Variants in CHD7 observed in about 807,000 individuals in gnomAD.
CHD7 encodes the protein chromodomain helicase DNA binding protein 7.
In CHD7, 24 loss-of-function variants were observed where a neutral mutation model predicts 307.3. That is an observed-to-expected ratio of 0.08 (90% CI 0.06 to 0.11). The LOEUF (loss-of-function observed/expected upper bound fraction) is 0.11. Among genes scored for constraint, CHD7 ranks in the 10% least tolerant of loss-of-function variants. CHD7 has a pLI of 1.00. For synonymous variants in CHD7, 1,363 were observed against 1,349.9 expected, an observed-to-expected ratio of 1.01 and a Z score of -0.21; for missense variants, 3,106 against 3,727.1, an observed-to-expected ratio of 0.83 and a Z score of 4.34.
intron 1 of CHD7, among the ~76,000 whole-genome samples, chr8:60,690,547 C>G (rs1469965708): frequency 6.6e-6 from 1 of 152,164 alleles, no homozygotes; most frequent in African/African-American, 2.4e-5. Flanking sequence ...AACTTTGTGG[C>G]TACTCTGGGG....
At chr8:60,703,766 G>A (rs1423098110) in intron 1 of CHD7, among the ~76,000 whole-genome samples, 2 of 152,100 alleles carry the variant, frequency 1.3e-5, no homozygotes, top group African/African-American at 2.4e-5. Context: ...TCCCTCTATT[G>A]AGCCAGCTAC....
In CHD7 at chr8:60,844,894, C is replaced by T. The variant is rs774433565; in HGVS notation, c.4881C>T (p.His1627=). Residue 1627 remains histidine, a synonymous_variant, in exon 22 of 38, where the codon CAC becomes CAT. Transcript: ENST00000423902. The stretch of plus-strand genomic sequence containing the variant: ...GACGGTGGACAGACATTCTTTCCCA[C>T]GGACGCTATAAACGCCAACTCACTG... ...GWGRWTDILS[H]GRYKRQLTEQ... is the part of the protein sequence containing the mutation. 139 of 1,607,504 alleles carry T rather than the reference C, an allele frequency of 8.6e-5. No homozygotes were observed. The highest frequency in any genetic ancestry group is 4.5e-4 in the South Asian group (41 of 90,402).
Position 60,867,172 on chromosome 8 carries a change from G to A in CHD7, c.*1239G>A, listed in dbSNP as rs1222668644. On this transcript the variant is annotated 3_prime_UTR_variant, in exon 38 of 38. Transcript: ENST00000423902. Reference sequence around the variant, plus strand: ...CTCCCTCAAAAGGGCATCTGAGACCGAGAATACTTAGAAATGTGTGCAGCG... The same window carrying A: ...CTCCCTCAAAAGGGCATCTGAGACCAAGAATACTTAGAAATGTGTGCAGCG... The A allele has an allele frequency of 3.3e-5, 5 of 152,164 alleles. No homozygotes were observed. Among genetic ancestry groups the A allele is most frequent in the East Asian group, 1.9e-4 (1 of 5,202 alleles). The allele number at this position is 152,164 out of a possible 1,614,324, so 9.4% of individuals were successfully genotyped here.
Position 60,861,029 on chromosome 8 carries a change from T to G in CHD7, c.7734T>G (p.Thr2578=), listed in dbSNP as rs1361538739. The G allele has an allele frequency of 6.2e-7, 1 of 1,613,996 alleles. No homozygotes were observed. Among genetic ancestry groups the G allele is most frequent in the Non-Finnish European group, 8.5e-7 (1 of 1,179,874 alleles). Residue 2578 remains threonine (T), a synonymous_variant, in exon 35 of 38, where the codon ACT becomes ACG. Coordinates refer to ENST00000423902, the MANE Select transcript of CHD7 (RefSeq NM_017780.4). The stretch of plus-strand genomic sequence containing the variant: ...CTGTTATCAATCTTGAAGATGGGAC[T>G]AGGCTGGTGGGGGAAGATGCTCCTA... The part of the protein sequence containing the change: ...RIPVINLEDG[T]RLVGEDAPKN...
chr8:60,711,067 C>T (rs928770796), intron 1 of CHD7, among the ~76,000 whole-genome samples: 1 of 152,174 alleles, frequency 6.6e-6, no homozygotes, highest in Admixed American at 6.5e-5. Context: ...ATTTGGTGAG[C>T]GTGAGGCTGT....
At chr8:60,823,800 A>C (rs1804149658) in intron 12 of CHD7, 40 bp from the exon 13 acceptor site, 1 of 1,517,318 alleles carries the variant, frequency 6.6e-7, no homozygotes, top group East Asian at 2.3e-5. Flanking sequence ...TATTTATGTA[A>C]CCATTAATGC....
At chr8:60,863,769 T>C (rs749204018) in intron 37 of CHD7, 17 of 150,156 alleles carry the variant, frequency 1.1e-4, no homozygotes, top group Non-Finnish European at 2.4e-4. Flanking sequence ...GACAAGGTGT[T>C]TGTCACCCAG....
chr8:60,808,754 T>C (rs1232419803), intron 7 of CHD7: 1 of 154,040 alleles, frequency 6.5e-6, no homozygotes, highest in Non-Finnish European at 1.4e-5. Flanking sequence ...GATATTTATT[T>C]AGTAGATTTG....
chr8:60,799,140 G>A (rs1240700286), intron 4 of CHD7, among the ~76,000 whole-genome samples: 3 of 152,188 alleles, frequency 2.0e-5, no homozygotes, highest in Admixed American at 6.5e-5. Flanking sequence ...TGAACTGCAC[G>A]TCTAAATAGA....
intron 6 of CHD7, among the ~76,000 whole-genome samples, chr8:60,806,111 C>T (rs1812524674): frequency 1.3e-5 from 2 of 152,004 alleles, no homozygotes; most frequent in Admixed American, 6.6e-5. Flanking sequence ...GCCTGTAATC[C>T]CAGTACTTTG....
At chr8:60,834,463 C>T (rs999862536) in intron 15 of CHD7, among the ~76,000 whole-genome samples, 1 of 152,162 alleles carries the variant, frequency 6.6e-6, no homozygotes, top group Non-Finnish European at 1.5e-5. Context: ...TCTTGAGGGG[C>T]TTGTCCTGAA....
Position 60,741,726 on chromosome 8 carries a change from C to T in CHD7, c.294C>T (p.Leu98=), listed in dbSNP as rs372513999. The part of the protein sequence containing the change: ...RMMSNTPGNG[L]ASPHSQYHTP... ...TGAGCAACACCCCTGGGAACGGACT[C>T]GCGTCTCCGCACTCGCAGTATCACA... Residue 98 remains leucine, a synonymous_variant, in exon 2 of 38, where the codon CTC becomes CTT. Coordinates refer to ENST00000423902, the MANE Select transcript of CHD7 (RefSeq NM_017780.4). 1.9e-5 allele frequency: 30 copies of T among 1,613,876 alleles called. 1 individual carries two copies. Among genetic ancestry groups the T allele is most frequent in the Middle Eastern group, 1.6e-4 (1 of 6,084 alleles).
chr8:60,680,225 C>T (rs1025728906), intron 1 of CHD7, among the ~76,000 whole-genome samples: 1 of 151,516 alleles, frequency 6.6e-6, no homozygotes, highest in Admixed American at 6.6e-5. Context: ...GCCGAGGTGG[C>T]TGGAGGCCAA....
chr8:60,848,702 G>A (rs889722992), intron 24 of CHD7, 98 bp downstream of exon 24: 4 of 907,616 alleles, frequency 4.4e-6, no homozygotes, highest in Admixed American at 2.0e-5. Context: ...TAAACCACTA[G>A]TAACCCATCT....
chr8:60,781,837 C>T (rs1333499919), intron 3 of CHD7, among the ~76,000 whole-genome samples: 1 of 152,178 alleles, frequency 6.6e-6, no homozygotes, highest in Non-Finnish European at 1.5e-5. Context: ...AGCCCTTCTT[C>T]CCAGAGGTTG....
chr8:60,782,085 A>G (rs1811267159), intron 3 of CHD7, among the ~76,000 whole-genome samples: 2 of 152,196 alleles, frequency 1.3e-5, no homozygotes, highest in Non-Finnish European at 1.5e-5. Context: ...AACTGAGAGG[A>G]GAAGACATTG....
intron 11 of CHD7, 70 bp downstream of exon 11, chr8:60,822,215 A>G: frequency 7.3e-7 from 1 of 1,374,648 alleles, no homozygotes. Flanking sequence ...ATTGAAAATA[A>G]TAAAAAAGAA....
At chr8:60,688,074 T>C (rs1421663379) in intron 1 of CHD7, among the ~76,000 whole-genome samples, 1 of 152,218 alleles carries the variant, frequency 6.6e-6, no homozygotes, top group Non-Finnish European at 1.5e-5. Context: ...TGGGGCCATA[T>C]GTCATGGGAT....
chr8:60,852,392 C>A, intron 29 of CHD7, 106 bp from the exon 30 acceptor site: 1 of 1,311,980 alleles, frequency 7.6e-7, no homozygotes, highest in East Asian at 2.4e-5. Context: ...TTTCCCCACC[C>A]CCAAATAACT....
Sources: gnomAD v4.1 joint callset for allele counts (sites outside exome capture counted in the v4.1 genomes callset) on GRCh38, gnomAD v4.1.1 for gene constraint, MANE v1.5 for transcripts, NCBI Gene and HGNC (gene_info 2026-07-23, HGNC 2026-07-21) for gene names.